Variants in MARCHF1 observed in about 807,000 individuals in gnomAD.
MARCHF1 encodes the protein E3 ubiquitin-protein ligase MARCHF1.
A neutral mutation model predicts 54.2 loss-of-function variants in MARCHF1; 40 were observed. The observed-to-expected ratio is 0.74, with a 90% confidence interval of 0.57 to 0.96. The LOEUF (loss-of-function observed/expected upper bound fraction) is 0.96, where lower values mean the gene tolerates loss of function less well. Ranked by LOEUF, MARCHF1 falls within the 40% of genes least tolerant of loss-of-function variation. The pLI, the probability that MARCHF1 is intolerant of heterozygous loss-of-function variation, is 0.00. For missense variants in MARCHF1, 586 were observed against 656.5 expected (o/e 0.89, Z 1.17); for synonymous variants, 236 against 236.3 (o/e 1.00, Z 0.01).
At chr4:163,843,328 G>C (rs1009389706) in intron 4 of MARCHF1, among the ~76,000 whole-genome samples, 1 of 152,054 alleles carries the variant, frequency 6.6e-6, no homozygotes, top group Non-Finnish European at 1.5e-5. Flanking sequence ...ATGAACATGC[G>C]AGTGCATGTG....
chr4:164,046,806 A>G (rs546458205), intron 2 of MARCHF1, among the ~76,000 whole-genome samples: 3 of 152,208 alleles, frequency 2.0e-5, no homozygotes, highest in Non-Finnish European at 4.4e-5. Flanking sequence ...GAAGGAAAGC[A>G]GTAAGGTATT....
intron 3 of MARCHF1, among the ~76,000 whole-genome samples, chr4:163,935,702 C>CTTTTTTTTTTTTTTTTTTTTTTTTT (rs34331599): frequency 8.0e-6 from 1 of 125,758 alleles, no homozygotes; most frequent in South Asian, 2.5e-4. Context: ...TGCTTGCTTT[C>CTTTTTTTTTTTTTTTTTTTTTTTTT]TTTTTTTTTT....
At chr4:163,775,306 T>A (rs528877116) in intron 4 of MARCHF1, among the ~76,000 whole-genome samples, 19 of 152,328 alleles carry the variant, frequency 1.2e-4, no homozygotes, top group African/African-American at 4.3e-4. Context: ...CATTCTCCCC[T>A]AATATTGTAT....
chr4:164,312,251 T>C (rs187930132), intron 1 of MARCHF1, among the ~76,000 whole-genome samples: 84 of 152,138 alleles, frequency 5.5e-4, no homozygotes, highest in Non-Finnish European at 1.5e-5. Context: ...TTTGCTAGAA[T>C]TGCACGTAAA....
chr4:163,541,252 A>G (rs140845107), intron 9 of MARCHF1, among the ~76,000 whole-genome samples: 77 of 152,380 alleles, frequency 5.1e-4, no homozygotes, highest in Middle Eastern at 6.8e-3. Flanking sequence ...TGAGTCAGCC[A>G]TGAAAACAAA....
chr4:164,370,342 A>G (rs1176399446), intron 1 of MARCHF1, among the ~76,000 whole-genome samples: 3 of 152,248 alleles, frequency 2.0e-5, no homozygotes, highest in African/African-American at 4.8e-5. Flanking sequence ...ACAGTATTAT[A>G]GAAATCCAAA....
At chr4:164,107,394 T>C (rs1252970982) in intron 2 of MARCHF1, among the ~76,000 whole-genome samples, 1 of 152,286 alleles carries the variant, frequency 6.6e-6, no homozygotes, top group East Asian at 1.9e-4. Flanking sequence ...AGAATCTCAC[T>C]CTGTTGTTCA....
intron 1 of MARCHF1, among the ~76,000 whole-genome samples, chr4:164,297,273 A>G (rs1734435896): frequency 6.6e-6 from 1 of 152,192 alleles, no homozygotes; most frequent in Non-Finnish European, 1.5e-5. Context: ...CAAAGAATAG[A>G]GTATGAGAAG....
chr4:163,670,216 AG>A, intron 5 of MARCHF1, among the ~76,000 whole-genome samples: 1 of 152,202 alleles, frequency 6.6e-6, no homozygotes, highest in Non-Finnish European at 1.5e-5. Context: ...TAGTTTGATA[AG>A]GGTTTTTCTA....
chr4:164,376,462 A>G (rs533155639), intron 1 of MARCHF1, among the ~76,000 whole-genome samples: 7 of 152,208 alleles, frequency 4.6e-5, no homozygotes, highest in Non-Finnish European at 7.3e-5. Context: ...AGTCTGAACT[A>G]AAAAATTATG....
chr4:164,243,411 T>C (rs1271259102), intron 1 of MARCHF1, among the ~76,000 whole-genome samples: 2 of 151,504 alleles, frequency 1.3e-5, no homozygotes, highest in Non-Finnish European at 2.9e-5. Context: ...TAAAATCCTT[T>C]ACAGACAAGC....
chr4:164,128,845 T>C lies in MARCHF1; in HGVS notation c.-322-17183A>G, dbSNP rs139711458. On this transcript the variant is annotated intron_variant, in intron 1 of 9. Coordinates refer to ENST00000514618, the MANE Select transcript of MARCHF1 (RefSeq NM_001394959.1). Reference sequence around the variant, plus strand: ...CACCAAAAGCCAGCATTGGATTATCTGCATTACAAAGCCACACTGGTCATC... The same window carrying C: ...CACCAAAAGCCAGCATTGGATTATCCGCATTACAAAGCCACACTGGTCATC... Among the ~76,000 whole-genome samples the C allele has an allele frequency of 1.4e-4, 22 of 152,280 alleles. 1 individual carries two copies. The highest frequency in any genetic ancestry group is 4.3e-4 in the African/African-American group (18 of 41,564).
Position 163,612,774 on chromosome 4 carries a change from A to G in MARCHF1, c.507T>C (p.His169=), listed in dbSNP as rs145118730. Residue 169 remains histidine (H), a synonymous_variant, in exon 7 of 10, where the codon CAT becomes CAC. Transcript: ENST00000514618. ...SSDSSSTDES[H]WIQAKRRAQV... ...GGGCTCTTCTTTTTGCCTGAATCCA[A>G]TGACTCTCATCTGTGGAAGATGAAT... is the stretch of plus-strand genomic sequence containing the variant. 1.5e-5 allele frequency: 23 copies of G among 1,535,492 alleles called. No homozygotes were observed. Among genetic ancestry groups the G allele is most frequent in the African/African-American group, 8.2e-5 (6 of 73,068 alleles).
chr4:163,976,294 G>C (rs1752648149), intron 3 of MARCHF1, among the ~76,000 whole-genome samples: 1 of 152,062 alleles, frequency 6.6e-6, no homozygotes, highest in African/African-American at 2.4e-5. Flanking sequence ...TACTAGAACT[G>C]TACCCAAGAA....
intron 4 of MARCHF1, among the ~76,000 whole-genome samples, chr4:163,727,188 G>C (rs1425317968): frequency 6.6e-6 from 1 of 152,094 alleles, no homozygotes; most frequent in Non-Finnish European, 1.5e-5. Context: ...TGTAAAAATA[G>C]TGGCTGTAAT....
chr4:163,827,133 G>A (rs377090282), intron 4 of MARCHF1, among the ~76,000 whole-genome samples: 13 of 151,630 alleles, frequency 8.6e-5, no homozygotes, highest in African/African-American at 2.7e-4. Context: ...TGTGTGACAG[G>A]TAGCAATGTC....
chr4:163,813,082 A>G (rs1179849840), intron 4 of MARCHF1, among the ~76,000 whole-genome samples: 1 of 152,170 alleles, frequency 6.6e-6, no homozygotes, highest in Non-Finnish European at 1.5e-5. Context: ...CACTGCTTGA[A>G]TTTACATGAC....
rs189636518 is a variant in MARCHF1 at position 163,798,352 on chromosome 4, T to C, written c.111+55669A>G. Among the ~76,000 whole-genome samples the C allele has an allele frequency of 5.6e-3, 849 of 152,298 alleles. 8 individuals are homozygous for C. The highest frequency in any genetic ancestry group is 0.027 in the South Asian group (131 of 4,832). On this transcript the variant is annotated intron_variant, in intron 4 of 9. Transcript: ENST00000514618. ...AACCCTGATTTTAGATTTTGTAGTC[T>C]TTAGAAAAGAAATAAAAATTATTTT...
intron 1 of MARCHF1, among the ~76,000 whole-genome samples, chr4:164,208,387 G>A (rs754882118): frequency 9.2e-5 from 14 of 152,172 alleles, no homozygotes; most frequent in Non-Finnish European, 1.9e-4. Flanking sequence ...GGAAGTATGA[G>A]CTTTATTTAA....
Sources: gnomAD v4.1 joint callset for allele counts (sites outside exome capture counted in the v4.1 genomes callset) on GRCh38, gnomAD v4.1.1 for gene constraint, MANE v1.5 for transcripts, NCBI Gene and HGNC (gene_info 2026-07-23, HGNC 2026-07-21) for gene names.